ADAMTSL3: variants seen among roughly 807,000 people sequenced by gnomAD.
The protein encoded by ADAMTSL3 is ADAMTS-like protein 3.
ADAMTSL3 carries 128 observed loss-of-function variants against 201.7 expected under a neutral mutation model. That is an observed-to-expected ratio of 0.63 (90% CI 0.55 to 0.73). ADAMTSL3 has a LOEUF of 0.73. Among genes scored for constraint, ADAMTSL3 ranks in the 30% least tolerant of loss-of-function variants. The pLI, the probability that ADAMTSL3 is intolerant of heterozygous loss-of-function variation, is 0.00. For synonymous variants in ADAMTSL3, 738 were observed against 748.4 expected (o/e 0.99, Z 0.23); for missense variants, 1,990 against 2,119.6 (o/e 0.94, Z 1.20).
At chr15:83,706,171 C>T (rs183729336) in intron 3 of ADAMTSL3, among the ~76,000 whole-genome samples, 2 of 151,932 alleles carry the variant, frequency 1.3e-5, no homozygotes, top group African/African-American at 2.4e-5. Flanking sequence ...TTGAGAGGGC[C>T]GTAAAGGATA....
At chr15:83,942,878 G>T (rs12901723) in intron 18 of ADAMTSL3, 25 bp from the exon 19 acceptor site, 1 of 1,607,122 alleles carries the variant, frequency 6.2e-7, no homozygotes, top group East Asian at 2.2e-5. Context: ...CAAGCCTGCC[G>T]CCTCACCCCC....
At chr15:83,665,996 T>G (rs1420701699) in intron 2 of ADAMTSL3, among the ~76,000 whole-genome samples, 1 of 152,174 alleles carries the variant, frequency 6.6e-6, no homozygotes, top group African/African-American at 2.4e-5. Flanking sequence ...CAGCACATAT[T>G]CATTATAAAA....
chr15:83,947,733 G>A (rs973377207), intron 19 of ADAMTSL3, among the ~76,000 whole-genome samples: 2 of 151,940 alleles, frequency 1.3e-5, no homozygotes, highest in South Asian at 2.1e-4. Flanking sequence ...ATCTCAAAAA[G>A]CCCAATATTT....
chr15:83,861,470 T>C, intron 8 of ADAMTSL3: 1 of 174,104 alleles, frequency 5.7e-6, no homozygotes. Context: ...TTCACCAATA[T>C]CCTCTGTTCT....
intron 16 of ADAMTSL3, among the ~76,000 whole-genome samples, chr15:83,917,350 A>G (rs367776172): frequency 6.6e-6 from 1 of 152,214 alleles, no homozygotes; most frequent in African/African-American, 2.4e-5. Context: ...GAGTAGCAAC[A>G]GAGAATTCTT....
At chr15:83,808,460 A>T (rs976482322) in intron 5 of ADAMTSL3, among the ~76,000 whole-genome samples, 2 of 152,204 alleles carry the variant, frequency 1.3e-5, no homozygotes, top group East Asian at 1.9e-4. Flanking sequence ...AATGATTATT[A>T]TCACAAAGAC....
intron 4 of ADAMTSL3, among the ~76,000 whole-genome samples, chr15:83,792,737 T>G (rs1234686545): frequency 6.6e-6 from 1 of 151,480 alleles, no homozygotes; most frequent in African/African-American, 2.4e-5. Context: ...GAGTCGAGAT[T>G]GTGCCACTGC....
intron 15 of ADAMTSL3, among the ~76,000 whole-genome samples, chr15:83,909,937 T>C (rs1396285629): frequency 2.6e-5 from 4 of 152,142 alleles, no homozygotes; most frequent in African/African-American, 9.7e-5. Flanking sequence ...CAGATGTATG[T>C]ACCCCTCAAA....
intron 2 of ADAMTSL3, among the ~76,000 whole-genome samples, chr15:83,665,038 G>A (rs1298729207): frequency 6.6e-6 from 1 of 152,152 alleles, no homozygotes; most frequent in Non-Finnish European, 1.5e-5. Flanking sequence ...GGACCATGGG[G>A]ACACACTTCA....
intron 3 of ADAMTSL3, among the ~76,000 whole-genome samples, chr15:83,746,566 C>T (rs2062550955): frequency 1.3e-5 from 2 of 152,134 alleles, no homozygotes; most frequent in Non-Finnish European, 2.9e-5. Context: ...CAACTGCGGT[C>T]TATTGCTCAT....
chr15:83,866,720 T>G (rs2064987234), intron 8 of ADAMTSL3, among the ~76,000 whole-genome samples: 1 of 152,138 alleles, frequency 6.6e-6, no homozygotes, highest in African/African-American at 2.4e-5. Context: ...GTAACTAACC[T>G]GCACATTGTG....
rs898923676 is a variant in ADAMTSL3 at position 83,838,124 on chromosome 15, C to G, written c.636C>G (p.Ala212=). 6 of 1,612,334 alleles carry G rather than the reference C, an allele frequency of 3.7e-6. No individual in the cohort carries two copies. Among genetic ancestry groups the G allele is most frequent in the Non-Finnish European group, 5.1e-6 (6 of 1,179,458 alleles). Residue 212 remains alanine, a synonymous_variant, in exon 7 of 30, where the codon GCC becomes GCG. Transcript: ENST00000286744. Reference sequence around the variant, plus strand: ...GCGATCGGCAACTGGGAAGCAATGCCAAGGAGGACAACTGTGGAGTCTGTG... The same window carrying G: ...GCGATCGGCAACTGGGAAGCAATGCGAAGGAGGACAACTGTGGAGTCTGTG... ...VGCDRQLGSN[A]KEDNCGVCAG...
At chr15:83,793,459 G>GTGTTGTTGT (rs57822593) in intron 4 of ADAMTSL3, among the ~76,000 whole-genome samples, 2,008 of 150,640 alleles carry the variant, frequency 0.013, 13 homozygotes, top group Non-Finnish European at 0.016. Context: ...ATCTGTTGGT[G>GTGTTGTTGT]TGTTGTTGTT....
intron 3 of ADAMTSL3, among the ~76,000 whole-genome samples, chr15:83,711,539 G>A (rs899162049): frequency 5.9e-5 from 9 of 152,226 alleles, no homozygotes; most frequent in African/African-American, 1.9e-4. Context: ...AAGTAATCTC[G>A]GTCAAATGTA....
chr15:83,971,719 A>G (rs1249942737), intron 20 of ADAMTSL3, among the ~76,000 whole-genome samples: 1 of 151,228 alleles, frequency 6.6e-6, no homozygotes, highest in East Asian at 1.9e-4. Context: ...TAGTGGAAAT[A>G]ACAGCTTTGG....
intron 23 of ADAMTSL3, among the ~76,000 whole-genome samples, chr15:84,007,680 A>AT (rs1284219217): frequency 1.3e-5 from 2 of 152,146 alleles, no homozygotes; most frequent in Non-Finnish European, 2.9e-5. Context: ...TAAGCAGTTT[A>AT]TTTTTTGTTC....
At chr15:83,790,568 T>A (rs1334518724) in intron 4 of ADAMTSL3, among the ~76,000 whole-genome samples, 1 of 152,096 alleles carries the variant, frequency 6.6e-6, no homozygotes, top group East Asian at 1.9e-4. Flanking sequence ...GAAACAGATA[T>A]CAGCTTGATA....
intron 19 of ADAMTSL3, among the ~76,000 whole-genome samples, chr15:83,957,879 A>G (rs2066890475): frequency 6.6e-6 from 1 of 152,226 alleles, no homozygotes. Context: ...ATCTAAAAGT[A>G]TATTATTGAC....
intron 10 of ADAMTSL3, among the ~76,000 whole-genome samples, chr15:83,886,695 C>T (rs369648649): frequency 2.0e-5 from 3 of 152,234 alleles, no homozygotes; most frequent in African/African-American, 4.8e-5. Context: ...TGAAGCCTAC[C>T]GCATATCAAT....
Sources: allele counts gnomAD v4.1 joint callset (sites outside exome capture counted in the v4.1 genomes callset), GRCh38; gene constraint gnomAD v4.1.1; transcripts MANE v1.5; gene names NCBI Gene and HGNC (gene_info 2026-07-23, HGNC 2026-07-21).